ZNF875: variants seen among roughly 807,000 people sequenced by gnomAD.
The protein encoded by ZNF875 is HKR1, GLI-Kruppel zinc finger family member.
ZNF875 carries 14 observed loss-of-function variants against 11.2 expected under a neutral mutation model. The ratio of observed to expected loss-of-function variants is 1.26; its 90% CI spans 0.83 to 1.96. ZNF875 has a LOEUF of 1.96. ZNF875 is among the 30% of genes most tolerant of loss of function. The pLI, the probability that ZNF875 is intolerant of heterozygous loss-of-function variation, is 0.00. For synonymous variants in ZNF875, 301 were observed against 281.1 expected (o/e 1.07, Z -0.71); for missense variants, 752 against 760.4 (o/e 0.99, Z 0.13).
Position 37,362,728 on chromosome 19 carries a change from G to T in ZNF875, c.876G>T (p.Thr292=). ...YVCRECGRGF[T]WKSNLITHQR... ...GCAGGGAATGTGGGCGAGGCTTTAC[G>T]TGGAAGTCAAACCTGATCACACATC... The change falls in exon 5 of 5, where the codon ACG becomes ACT. Residue 292 remains threonine, a synonymous_variant. Transcript: ENST00000392153. 6.2e-7 allele frequency: 1 copy of T among 1,608,296 alleles called. No individual in the cohort carries two copies. Among genetic ancestry groups the T allele is most frequent in the African/African-American group, 1.3e-5 (1 of 74,106 alleles).
rs1318694304 is a variant in ZNF875 at position 37,352,669 on chromosome 19, TTTC to T, written c.256+4803_256+4805del. ...TTATAGACAGCATATAGTTGATTTTTTTCTTCTTTATCCAGTTTGCCAATCTCT... is the reference window on the plus strand; with the variant it reads ...TTATAGACAGCATATAGTTGATTTTTTTCTTTATCCAGTTTGCCAATCTCT... On this transcript the variant is annotated intron_variant, in intron 4 of 4. Transcript: ENST00000392153. 5.3e-5 allele frequency among the ~76,000 whole-genome samples: 8 copies of T among 152,320 alleles called. No individual in the cohort carries two copies. The East Asian group carries it at 1.5e-3, about 29-fold the overall frequency.
chr19:37,324,629 A>T (rs2145724781), intron 4 of ZNF875, among the ~76,000 whole-genome samples: 1 of 152,310 alleles, frequency 6.6e-6, no homozygotes, highest in South Asian at 2.1e-4. Flanking sequence ...CCCTAACATT[A>T]AAGTACTGTT....
At chr19:37,343,050 C>T (rs534442280) in intron 2 of ZNF875, among the ~76,000 whole-genome samples, 38 of 152,208 alleles carry the variant, frequency 2.5e-4, no homozygotes, top group Middle Eastern at 3.4e-3. Flanking sequence ...AAGAACATAG[C>T]GGCTTAGGCC....
intron 3 of ZNF875, 160 bp downstream of exon 3, chr19:37,347,476 C>A: frequency 1.5e-6 from 1 of 674,258 alleles, no homozygotes. Context: ...GAATTGAAAG[C>A]AGACAGATTG....
chr19:37,347,873 G>T lies in ZNF875; in HGVS notation c.256+1G>T. On this transcript the variant is annotated splice_donor_variant, in intron 4 of 4. Coordinates refer to ENST00000392153, the MANE Select transcript of ZNF875 (RefSeq NM_001353803.2). LOFTEE classifies it high-confidence loss of function. ...AAATGTCCACTGGACCTCTGTCCAG[G>T]TGAGTGTTGAGTGTGGGGTAGACGG... is the stretch of plus-strand genomic sequence containing the variant. 6.4e-7 allele frequency: 1 copy of T among 1,569,532 alleles called. No individual in the cohort carries two copies. Among genetic ancestry groups the T allele is most frequent in the Non-Finnish European group, 8.8e-7 (1 of 1,139,364 alleles).
At chr19:37,321,322 G>C (rs1027709791) in intron 1 of ZNF875, among the ~76,000 whole-genome samples, 1 of 152,270 alleles carries the variant, frequency 6.6e-6, no homozygotes, top group South Asian at 2.1e-4. Flanking sequence ...TGTAAAACCC[G>C]ATTAACTGCT....
intron 4 of ZNF875, 135 bp downstream of exon 4, chr19:37,348,007 T>A (rs2037149650): frequency 3.3e-6 from 2 of 611,578 alleles, no homozygotes; most frequent in African/African-American, 3.7e-5. Flanking sequence ...GACATGGTCT[T>A]CTTTCCGGAA....
At chr19:37,355,370 A>G (rs2038715884) in intron 4 of ZNF875, among the ~76,000 whole-genome samples, 2 of 152,076 alleles carry the variant, frequency 1.3e-5, no homozygotes, top group South Asian at 4.1e-4. Flanking sequence ...TTGTGTTTTT[A>G]GTAGAGACAG....
chr19:37,344,576 G>A (rs1165059662), intron 2 of ZNF875: 12 of 932,002 alleles, frequency 1.3e-5, no homozygotes, highest in Non-Finnish European at 1.8e-5. Context: ...TGGCCTGTTG[G>A]TTACCATTCA....
chr19:37,313,612 C>T (rs1425033003), upstream of ZNF875, among the ~76,000 whole-genome samples: 1 of 152,158 alleles, frequency 6.6e-6, no homozygotes, highest in Non-Finnish European at 1.5e-5. Context: ...CAGACCCTCC[C>T]CTGTCACCCC....
At chr19:37,329,731 G>C (rs371323850), upstream of ZNF875, among the ~76,000 whole-genome samples, 1 of 152,034 alleles carries the variant, frequency 6.6e-6, no homozygotes. Context: ...TTCCTCAGTG[G>C]TTTTTTCCCC....
intron 2 of ZNF875, among the ~76,000 whole-genome samples, chr19:37,335,856 C>T: frequency 6.6e-6 from 1 of 152,060 alleles, no homozygotes; most frequent in East Asian, 1.9e-4. Context: ...GGTCACAATC[C>T]CTTTGGTCTT....
At chr19:37,324,458 C>CAG (rs2032066836) in intron 4 of ZNF875, among the ~76,000 whole-genome samples, 1 of 152,176 alleles carries the variant, frequency 6.6e-6, no homozygotes, top group Non-Finnish European at 1.5e-5. Flanking sequence ...GTTTCAACTG[C>CAG]AGATATCCCT....
At chr19:37,334,352 C>T (rs144951738), upstream of ZNF875, among the ~76,000 whole-genome samples, 2 of 152,360 alleles carry the variant, frequency 1.3e-5, no homozygotes, top group African/African-American at 4.8e-5. Flanking sequence ...TCAGCGCACA[C>T]TGGCCACCCG....
At chr19:37,317,512 AG>A (rs2030312077), upstream of ZNF875, among the ~76,000 whole-genome samples, 2 of 152,146 alleles carry the variant, frequency 1.3e-5, no homozygotes, top group South Asian at 4.2e-4. Context: ...CGGTGCACAA[AG>A]TTGGGTCTCT....
upstream of ZNF875, among the ~76,000 whole-genome samples, chr19:37,332,835 C>T (rs1010653685): frequency 7.2e-5 from 11 of 152,254 alleles, no homozygotes; most frequent in Admixed American, 4.6e-4. Context: ...TGGATTTTCA[C>T]ATCTCAAGCC....
chr19:37,312,841 C>A (rs1364532688), exon 1 of ZNF875: 2 of 152,164 alleles, frequency 1.3e-5, no homozygotes, highest in Non-Finnish European at 1.5e-5. Flanking sequence ...ATCTGCAGGT[C>A]CCGCCTCCGC....
intron 4 of ZNF875, chr19:37,358,416 T>G (rs1437755583): frequency 6.5e-6 from 1 of 153,414 alleles, no homozygotes; most frequent in Non-Finnish European, 1.4e-5. Context: ...ATTACAAGCA[T>G]GAGCCACCAC....
At chr19:37,357,017 T>A (rs1442943293) in intron 4 of ZNF875, among the ~76,000 whole-genome samples, 3 of 152,222 alleles carry the variant, frequency 2.0e-5, no homozygotes, top group Admixed American at 2.0e-4. Context: ...GGGGGAAGGG[T>A]CCAGTTTCAT....
Sources: gnomAD v4.1 joint callset for allele counts (sites outside exome capture counted in the v4.1 genomes callset) on GRCh38, gnomAD v4.1.1 for gene constraint, MANE v1.5 for transcripts, NCBI Gene and HGNC (gene_info 2026-07-23, HGNC 2026-07-21) for gene names.